Variants in LRP1 observed in about 807,000 individuals in gnomAD.
LRP1 encodes LDL receptor related protein 1.
A neutral mutation model predicts 541.5 loss-of-function variants in LRP1; 51 were observed. The observed-to-expected ratio is 0.09, with a 90% CI of 0.08 to 0.12. LRP1 has a LOEUF of 0.12. Ranked by LOEUF, LRP1 falls within the 10% of genes least tolerant of loss-of-function variation. The pLI, the probability that LRP1 is intolerant of heterozygous loss-of-function variation, is 1.00. For synonymous variants in LRP1, 2,219 were observed against 2,470.8 expected (o/e 0.90, Z 3.02); for missense variants, 3,878 against 6,376.2 (o/e 0.61, Z 13.34).
chr12:57,205,901 G>GCA lies in LRP1; in HGVS notation c.11590+232_11590+233dup. On this transcript the variant is annotated intron_variant, in intron 75 of 88. Coordinates refer to ENST00000243077, the MANE Select transcript of LRP1 (RefSeq NM_002332.3). The surrounding 1 kb of genome is among the most constrained non-coding windows in gnomAD (Gnocchi z 4.6). ...CTGGGGTGTGGCAGTGCTCTGAATT[G>GCA]CACACACACCTCCTCACCCACCACT... is the stretch of plus-strand genomic sequence containing the variant. The GCA allele has an allele frequency of 8.1e-6, 5 of 618,560 alleles. No individual in the cohort carries two copies. The East Asian group carries it at 1.4e-4, about 18-fold the overall frequency. The allele number at this position is 618,560 out of a possible 1,614,324, so 38.3% of individuals were successfully genotyped here.
intron 22 of LRP1, 86 bp downstream of exon 22, chr12:57,174,066 G>C (rs1056793303): frequency 7.3e-7 from 1 of 1,378,472 alleles, no homozygotes; most frequent in Admixed American, 1.9e-5. Context: ...CCTGAGTCTA[G>C]GAGAGAGCAG....
At position 57,173,647 on chromosome 12, in the gene LRP1, G is replaced by C; in HGVS notation, c.3347-133G>C. On this transcript the variant is annotated intron_variant, in intron 21 of 88. Transcript: ENST00000243077. The surrounding 1 kb of genome is among the most constrained non-coding windows in gnomAD (Gnocchi z 4.7). The stretch of plus-strand genomic sequence containing the variant: ...TGCCTATGTGAATTTGACCCAAAAA[G>C]CCTCGGGGTTCCTCGTGGACCCCAC... 1.1e-6 allele frequency: 1 copy of C among 915,246 alleles called. No homozygotes were observed. 56.7% of individuals were successfully genotyped at this position (915,246 alleles called of 1,614,324 possible).
intron 19 of LRP1, 88 bp downstream of exon 19, chr12:57,167,612 T>C: frequency 1.9e-6 from 2 of 1,043,176 alleles, no homozygotes; most frequent in South Asian, 1.3e-5. Context: ...GGCTTCAGAA[T>C]CCAGCAGGGC....
At chr12:57,139,189 G>A (rs558173188) in intron 2 of LRP1, among the ~76,000 whole-genome samples, 1 of 152,132 alleles carries the variant, frequency 6.6e-6, no homozygotes, top group Non-Finnish European at 1.5e-5. Context: ...CACAGTCCTG[G>A]TGGCTCCACT....
Position 57,192,852 on chromosome 12 carries a change from C to T in LRP1, c.7437C>T (p.Leu2479=). 6.2e-7 allele frequency: 1 copy of T among 1,614,118 alleles called. No individual in the cohort carries two copies. Among genetic ancestry groups the T allele is most frequent in the Non-Finnish European group, 8.5e-7 (1 of 1,180,026 alleles). ...CACCCTGTCCCTGCTCAGGTGAACT[C>T]TCTCCATGCCGAATCAACAACGGTG... The part of the protein sequence containing the change: ...AVANDTNSCE[L]SPCRINNGGC... The change falls in exon 45 of 89, where the codon CTC becomes CTT. Residue 2479 remains leucine (L), a synonymous_variant. Transcript: ENST00000243077.
At chr12:57,130,350 G>A (rs1251643949) in intron 1 of LRP1, among the ~76,000 whole-genome samples, 1 of 152,116 alleles carries the variant, frequency 6.6e-6, no homozygotes, top group African/African-American at 2.4e-5. Context: ...TACAGGGTCA[G>A]GAAGCAGCTG....
intron 11 of LRP1, 99 bp from the exon 12 acceptor site, chr12:57,159,726 C>A: frequency 8.1e-7 from 1 of 1,238,910 alleles, no homozygotes; most frequent in Non-Finnish European, 1.2e-6. Context: ...CCTCTGTAGC[C>A]CAGACTGCTC....
chr12:57,194,166 C>G (rs1437282985), intron 48 of LRP1, among the ~76,000 whole-genome samples, 154 bp downstream of exon 48: 1 of 152,340 alleles, frequency 6.6e-6, no homozygotes, highest in Middle Eastern at 3.4e-3. Flanking sequence ...GTCCCCATCC[C>G]GCTCCTGCTC....
At chr12:57,138,343 G>T in intron 1 of LRP1, 116 bp from the exon 2 acceptor site, 2 of 1,293,190 alleles carry the variant, frequency 1.5e-6, no homozygotes, top group South Asian at 1.4e-5. Context: ...CATGGCTGAG[G>T]GTCTGGGCCA....
chr12:57,141,322 A>C, intron 2 of LRP1, 52 bp from the exon 3 acceptor site: 1 of 1,610,292 alleles, frequency 6.2e-7, no homozygotes, highest in Non-Finnish European at 8.5e-7. Context: ...ACAGCTGACC[A>C]GAGAGCCACC....
In LRP1 at chr12:57,180,385, T is replaced by C. The variant is rs749726344; in HGVS notation, c.5292T>C (p.His1764=). The change falls in exon 32 of 89, where the codon CAT becomes CAC. Residue 1764 remains histidine, a synonymous_variant. Coordinates refer to ENST00000243077, the MANE Select transcript of LRP1 (RefSeq NM_002332.3). ...TCTACTGGATCAGCTCCGGGAACCA[T>C]ACCATCAACCGCTGCAACCTGGATG... The part of the protein sequence containing the change: ...SKLYWISSGN[H]TINRCNLDGS... 1.2e-5 allele frequency: 20 copies of C among 1,614,128 alleles called. No individual in the cohort carries two copies. The East Asian group carries it at 4.0e-4, about 32-fold the overall frequency.
chr12:57,140,395 A>C (rs978722401), intron 2 of LRP1, among the ~76,000 whole-genome samples: 1 of 152,282 alleles, frequency 6.6e-6, no homozygotes, highest in African/African-American at 2.4e-5. Flanking sequence ...AAAAATGAAC[A>C]GATGAAATGA....
chr12:57,155,942 T>C (rs1489842388), intron 8 of LRP1, 152 bp from the exon 9 acceptor site: 5 of 628,006 alleles, frequency 8.0e-6, no homozygotes, highest in Admixed American at 3.0e-5. Flanking sequence ...CAGAGTGAGG[T>C]CCCGTCTCAA....
rs367641449 is a variant in LRP1 at position 57,200,826 on chromosome 12, G to A, written c.10225+11G>A. On this transcript the variant is annotated intron_variant, in intron 64 of 88. Transcript: ENST00000243077. ...ACGAGGCCAACTGTGGTAAGGCGCT[G>A]CCCGCCCACCCTCCCTCCTTCCCCA... The A allele has an allele frequency of 7.6e-6, 12 of 1,585,780 alleles. No individual in the cohort carries two copies. In the African/African-American group the frequency reaches 1.2e-4, roughly 16 times the overall value.
chr12:57,142,787 C>T (rs2035320600), intron 3 of LRP1, among the ~76,000 whole-genome samples: 1 of 152,112 alleles, frequency 6.6e-6, no homozygotes, highest in Admixed American at 6.5e-5. Context: ...AAAGGCTGGG[C>T]AGGCAGCATG....
At position 57,211,684 on chromosome 12, in the gene LRP1, C is replaced by T; in HGVS notation, c.13194-66C>T. On this transcript the variant is annotated intron_variant, in intron 85 of 88. Transcript: ENST00000243077. This position sits in a 1 kb window ranked among gnomAD's most constrained non-coding sequence, Gnocchi z 4.3. ...TCAGGCCTCAGTGCCCACCCCCCGCCCTGTTTTCCTGGCAGCAGTGGCTAT... is the reference window on the plus strand; with the variant it reads ...TCAGGCCTCAGTGCCCACCCCCCGCTCTGTTTTCCTGGCAGCAGTGGCTAT... 7.5e-7 allele frequency: 1 copy of T among 1,330,802 alleles called. No individual in the cohort carries two copies. The highest frequency in any genetic ancestry group is 2.3e-5 in the East Asian group (1 of 43,076). 82.4% of individuals were successfully genotyped at this position (1,330,802 alleles called of 1,614,324 possible). A position where few individuals can be genotyped will look rare whatever the true frequency, so the allele number is the denominator to read the frequency against.
At chr12:57,143,507 A>G (rs1180616556) in intron 3 of LRP1, among the ~76,000 whole-genome samples, 172 bp from the exon 4 acceptor site, 1 of 152,196 alleles carries the variant, frequency 6.6e-6, no homozygotes, top group Non-Finnish European at 1.5e-5. Context: ...TCTGGGCTTC[A>G]GTTTCTTCAC....
At position 57,162,788 on chromosome 12, in the gene LRP1, C is replaced by T; in HGVS notation, c.2405-70C>T. 2 of 1,502,984 alleles carry T rather than the reference C, an allele frequency of 1.3e-6. No homozygotes were observed. Among genetic ancestry groups the T allele is most frequent in the Non-Finnish European group, 1.8e-6 (2 of 1,110,578 alleles). The allele number at this position is 1,502,984 out of a possible 1,614,324, so 93.1% of individuals were successfully genotyped here. A position where few individuals can be genotyped will look rare whatever the true frequency, so the allele number is the denominator to read the frequency against. ...GTCCCCACATCTTAATGTGTCTCCTCCCCTATCCCTTCTCTGACCTCTCCT... is the reference window on the plus strand; with the variant it reads ...GTCCCCACATCTTAATGTGTCTCCTTCCCTATCCCTTCTCTGACCTCTCCT... On this transcript the variant is annotated intron_variant, in intron 14 of 88. Transcript: ENST00000243077. This position sits in a 1 kb window ranked among gnomAD's most constrained non-coding sequence, Gnocchi z 5.2.
In LRP1 at chr12:57,158,231, C is replaced by T. The variant is rs34140616; in HGVS notation, c.1562-171C>T. Among the ~76,000 whole-genome samples, 3,858 of 152,302 alleles carry T rather than the reference C, an allele frequency of 0.025. 186 individuals carry two copies. The highest frequency in any genetic ancestry group is 0.088 in the African/African-American group (3,666 of 41,558). On this transcript the variant is annotated intron_variant, in intron 10 of 88. Transcript: ENST00000243077. The surrounding 1 kb of genome is among the most constrained non-coding windows in gnomAD (Gnocchi z 5.3). ...CCAGGGTATTGCGGCCAGGACCCAT[C>T]GTCCTGTATGTTAGCGTGTGCGTGG...
Sources: gnomAD v4.1 joint callset for allele counts (sites outside exome capture counted in the v4.1 genomes callset) on GRCh38, gnomAD v4.1.1 for gene constraint, Gnocchi (gnomAD v3.1) non-coding constraint, MANE v1.5 for transcripts, NCBI Gene and HGNC (gene_info 2026-07-23, HGNC 2026-07-21) for gene names.